CAPN13: variants seen among roughly 807,000 people sequenced by gnomAD.
The protein encoded by CAPN13 is calpain-13.
Under a neutral mutation model 98.4 loss-of-function variants are expected in CAPN13, and 90 were observed. The ratio of observed to expected loss-of-function variants is 0.92; its 90% CI spans 0.77 to 1.09. The LOEUF (loss-of-function observed/expected upper bound fraction) is 1.09. Among genes scored for constraint, CAPN13 ranks in the 50% least tolerant of loss-of-function variants. The pLI is 0.00. For missense variants in CAPN13, 887 were observed against 841.3 expected (o/e 1.05, Z -0.67); for synonymous variants, 330 against 305.5 (o/e 1.08, Z -0.84).
At position 30,793,792 on chromosome 2, in the gene CAPN13, T is replaced by C. The variant is rs145149860; in HGVS notation, c.-32-6435A>G. 2.6e-5 allele frequency among the ~76,000 whole-genome samples: 4 copies of C among 151,830 alleles called. No homozygotes were observed. The East Asian group carries it at 5.8e-4, about 22-fold the overall frequency. The stretch of plus-strand genomic sequence containing the variant: ...AATCAACACATATATGGCCAATTAA[T>C]TTGAGAGAGGTTTCAAGGCAATTCA... On this transcript the variant is annotated intron_variant, in intron 1 of 22. Coordinates refer to ENST00000295055, the MANE Select transcript of CAPN13 (RefSeq NM_144575.3).
At chr2:30,806,043 G>C (rs1448529231) in intron 1 of CAPN13, 1 of 152,170 alleles carries the variant, frequency 6.6e-6, no homozygotes, top group African/African-American at 2.4e-5. Flanking sequence ...GCCTCCCAAA[G>C]TGTTGAGATT....
chr2:30,734,197 T>C (rs1441490105), intron 19 of CAPN13, among the ~76,000 whole-genome samples: 1 of 152,156 alleles, frequency 6.6e-6, no homozygotes, highest in Non-Finnish European at 1.5e-5. Context: ...TTCTCACAAT[T>C]AGAGCTGTGC....
chr2:30,779,458 T>G (rs1673877389), intron 2 of CAPN13, among the ~76,000 whole-genome samples: 1 of 152,214 alleles, frequency 6.6e-6, no homozygotes, highest in African/African-American at 2.4e-5. Context: ...GCGGGTACCT[T>G]GGGTTCTCTC....
At chr2:30,776,936 C>T (rs1673727438) in intron 3 of CAPN13, among the ~76,000 whole-genome samples, 1 of 152,210 alleles carries the variant, frequency 6.6e-6, no homozygotes, top group South Asian at 2.1e-4. Context: ...GTGATTTCAC[C>T]AGGCGAAGTT....
chr2:30,773,432 G>A (rs973947757), intron 4 of CAPN13, among the ~76,000 whole-genome samples: 2 of 152,186 alleles, frequency 1.3e-5, no homozygotes, highest in Non-Finnish European at 2.9e-5. Flanking sequence ...AGAAACAGTG[G>A]TAGGCAATGA....
intron 7 of CAPN13, among the ~76,000 whole-genome samples, chr2:30,758,780 CCCTCCCTTT>C (rs1275922356): frequency 2.5e-5 from 1 of 39,992 alleles, no homozygotes; most frequent in African/African-American, 1.2e-4. Flanking sequence ...CTTCCTCCCT[CCCTCCCTTT>C]CCTTTCCTTC....
In CAPN13 at chr2:30,758,144, AG is replaced by A; in HGVS notation, c.775-8del. The A allele has an allele frequency of 3.8e-6, 6 of 1,584,236 alleles. No individual in the cohort carries two copies. The highest frequency in any genetic ancestry group is 5.1e-6 in the Non-Finnish European group (6 of 1,165,690). ...AGCCCCTTCGGTATTGAATCTGTAA[AG>A]AAAACAGAAAAGGAAACTCAGTGCT... On this transcript the variant is annotated splice_polypyrimidine_tract_variant and splice_region_variant and intron_variant, in intron 7 of 22. Transcript: ENST00000295055.
In CAPN13 at chr2:30,740,958, C is replaced by T. The variant is rs1185446934; in HGVS notation, c.1536+950G>A. On this transcript the variant is annotated intron_variant, in intron 15 of 22. Coordinates refer to ENST00000295055, the MANE Select transcript of CAPN13 (RefSeq NM_144575.3). ...CAATAGAAATGACTGAGCACCTCCT[C>T]GGGCCAAGGACAGTGATCAGTGTTG... Among the ~76,000 whole-genome samples the T allele has an allele frequency of 5.3e-5, 8 of 152,112 alleles. 2 individuals carry two copies. In the South Asian group the frequency reaches 8.3e-4, roughly 16 times the overall value.
intron 17 of CAPN13, chr2:30,737,157 C>T (rs1393775989): frequency 6.5e-6 from 1 of 153,026 alleles, no homozygotes; most frequent in African/African-American, 2.4e-5. Context: ...CCTCGGGTTA[C>T]TCACCCCGGG....
At chr2:30,732,965 A>G (rs1663844436) in intron 19 of CAPN13, among the ~76,000 whole-genome samples, 1 of 152,150 alleles carries the variant, frequency 6.6e-6, no homozygotes, top group Non-Finnish European at 1.5e-5. Flanking sequence ...GGATGCTGCT[A>G]GTGTAGGTGG....
chr2:30,751,027 G>C (rs562405375), intron 11 of CAPN13, 76 bp downstream of exon 11: 18 of 1,506,650 alleles, frequency 1.2e-5, no homozygotes, highest in Non-Finnish European at 1.6e-5. Flanking sequence ...CTCCCAGCCT[G>C]GCCAGAGCTG....
intron 1 of CAPN13, 141 bp from the exon 2 acceptor site, chr2:30,787,498 T>TG: frequency 1.7e-6 from 1 of 578,364 alleles, no homozygotes; most frequent in Non-Finnish European, 2.9e-6. Context: ...GGTGGCACAG[T>TG]CAGTGAGCCT....
rs376765324 is a variant in CAPN13 at position 30,736,599 on chromosome 2, C to A, written c.1654-28G>T. On this transcript the variant is annotated intron_variant, in intron 17 of 22. Transcript: ENST00000295055. ...GGGTAAGGAGTTAAGAGTGAACCAG[C>A]CAGCGTGCAAGGTGCAGAGGGGCTG... 17 of 1,611,638 alleles carry A rather than the reference C, an allele frequency of 1.1e-5. No individual in the cohort carries two copies. In the African/African-American group the frequency reaches 2.3e-4, roughly 22 times the overall value.
rs533065150 is a variant in CAPN13, at chr2:30,785,638, G to A, written c.198+1490C>T. On this transcript the variant is annotated intron_variant, in intron 2 of 22. Transcript: ENST00000295055. The stretch of plus-strand genomic sequence containing the variant: ...CCCAAAAGACATCACAAGTTGAGTT[G>A]TTGTGAGATTCAGATAATTAGAATC... Among the ~76,000 whole-genome samples the A allele has an allele frequency of 4.6e-5, 7 of 152,228 alleles. No homozygotes were observed. The East Asian group carries it at 1.4e-3, about 29-fold the overall frequency.
At chr2:30,792,973 TA>T (rs1674678030) in intron 1 of CAPN13, among the ~76,000 whole-genome samples, 1 of 151,946 alleles carries the variant, frequency 6.6e-6, no homozygotes, top group African/African-American at 2.4e-5. Flanking sequence ...TAATTTATGA[TA>T]AAAACTGTTA....
chr2:30,765,678 C>A (rs2148026749), intron 5 of CAPN13, among the ~76,000 whole-genome samples: 1 of 152,314 alleles, frequency 6.6e-6, no homozygotes, highest in Non-Finnish European at 1.5e-5. Flanking sequence ...CTGGGGATCA[C>A]ACAGAATTCC....
intron 2 of CAPN13, among the ~76,000 whole-genome samples, chr2:30,786,554 T>C (rs1674291969): frequency 6.6e-6 from 1 of 152,172 alleles, no homozygotes; most frequent in African/African-American, 2.4e-5. Flanking sequence ...GTCTGAATGT[T>C]GTCCTGCAAT....
intron 5 of CAPN13, 80 bp from the exon 6 acceptor site, chr2:30,764,386 G>C: frequency 6.7e-7 from 1 of 1,486,330 alleles, no homozygotes; most frequent in Non-Finnish European, 9.2e-7. Context: ...CTGATCCTCT[G>C]CCTATTTCCC....
chr2:30,763,897 G>A (rs1672972450), intron 6 of CAPN13, among the ~76,000 whole-genome samples: 1 of 152,236 alleles, frequency 6.6e-6, no homozygotes, highest in Non-Finnish European at 1.5e-5. Context: ...GTGTTGGTGA[G>A]CACCTTAGGT....
Sources: gnomAD v4.1 joint callset for allele counts (sites outside exome capture counted in the v4.1 genomes callset) on GRCh38, gnomAD v4.1.1 for gene constraint, MANE v1.5 for transcripts, NCBI Gene and HGNC (gene_info 2026-07-23, HGNC 2026-07-21) for gene names.